ABI3BP: variants seen among roughly 807,000 people sequenced by gnomAD.
ABI3BP encodes target of Nesh-SH3.
ABI3BP carries 216 observed loss-of-function variants against 268.6 expected under a neutral mutation model. That is an observed-to-expected ratio of 0.80 (90% CI 0.72 to 0.90). ABI3BP has a LOEUF of 0.90. Ranked by LOEUF, ABI3BP falls within the 40% of genes least tolerant of loss-of-function variation. ABI3BP has a pLI of 0.00. For synonymous variants in ABI3BP, 730 were observed against 730.0 expected, an observed-to-expected ratio of 1.00 and a Z score of 0.00; for missense variants, 2,090 against 2,182.4, an observed-to-expected ratio of 0.96 and a Z score of 0.84.
intron 38 of ABI3BP, 118 bp downstream of exon 38, chr3:100,822,471 T>A: frequency 1.3e-6 from 1 of 799,872 alleles, no homozygotes; most frequent in African/African-American, 1.7e-5. Flanking sequence ...CTGCTAACCA[T>A]GAGTTGTAGC....
At chr3:100,792,851 C>T in intron 54 of ABI3BP, 83 bp from the exon 55 acceptor site, 1 of 1,137,772 alleles carries the variant, frequency 8.8e-7, no homozygotes, top group Non-Finnish European at 1.3e-6. Flanking sequence ...CTTTTCTGTC[C>T]CATGCAATAA....
At chr3:100,930,984 T>C (rs1245251484) in intron 1 of ABI3BP, 2 of 152,122 alleles carry the variant, frequency 1.3e-5, no homozygotes, top group African/African-American at 4.8e-5. Flanking sequence ...ATGAAAAAGC[T>C]AATTTGCCAT....
intron 56 of ABI3BP, among the ~76,000 whole-genome samples, 158 bp downstream of exon 56, chr3:100,789,296 G>T (rs2097134195): frequency 6.6e-6 from 1 of 151,974 alleles, no homozygotes; most frequent in South Asian, 2.1e-4. Context: ...CACATTTATG[G>T]ATTCATCAAT....
chr3:100,912,834 G>C (rs907585299), intron 2 of ABI3BP, among the ~76,000 whole-genome samples: 5 of 152,110 alleles, frequency 3.3e-5, no homozygotes, highest in Non-Finnish European at 7.4e-5. Flanking sequence ...CTCAAAAAAC[G>C]GACCTCCTAA....
intron 4 of ABI3BP, among the ~76,000 whole-genome samples, chr3:100,896,617 C>A (rs1436556106): frequency 1.3e-5 from 2 of 152,074 alleles, no homozygotes; most frequent in Non-Finnish European, 2.9e-5. Context: ...TTCTTCCTTC[C>A]TCTCTTCTCC....
chr3:100,900,296 C>G (rs2049654299), intron 3 of ABI3BP, among the ~76,000 whole-genome samples: 2 of 152,216 alleles, frequency 1.3e-5, no homozygotes, highest in African/African-American at 4.8e-5. Context: ...ATAGTTTGAA[C>G]AAGCCCTGGG....
At chr3:100,941,815 C>A (rs924432982) in intron 1 of ABI3BP, among the ~76,000 whole-genome samples, 1 of 152,254 alleles carries the variant, frequency 6.6e-6, no homozygotes, top group Non-Finnish European at 1.5e-5. Context: ...AATCAACAGT[C>A]TCTCATTTTC....
chr3:100,872,812 GCA>G (rs1386548068), intron 9 of ABI3BP, among the ~76,000 whole-genome samples: 1 of 152,150 alleles, frequency 6.6e-6, no homozygotes, highest in East Asian at 1.9e-4. Flanking sequence ...CAAGTCTGAT[GCA>G]CAAATTAAGA....
At chr3:100,783,937 G>C (rs750193228) in intron 57 of ABI3BP, among the ~76,000 whole-genome samples, 1 of 152,148 alleles carries the variant, frequency 6.6e-6, no homozygotes, top group Non-Finnish European at 1.5e-5. Context: ...TAATAGGTAG[G>C]ACACATCAGC....
At chr3:100,879,471 A>G (rs2099203430) in intron 6 of ABI3BP, among the ~76,000 whole-genome samples, 1 of 152,210 alleles carries the variant, frequency 6.6e-6, no homozygotes, top group African/African-American at 2.4e-5. Flanking sequence ...AACACATTAG[A>G]GCAGAAAAGC....
intron 67 of ABI3BP, 95 bp downstream of exon 67, chr3:100,751,457 A>C: frequency 7.5e-7 from 1 of 1,329,836 alleles, no homozygotes. Context: ...GTAGTACTAT[A>C]GAATTCTTTT....
chr3:100,801,484 T>A (rs1367677535), intron 51 of ABI3BP, among the ~76,000 whole-genome samples: 1 of 151,300 alleles, frequency 6.6e-6, no homozygotes, highest in African/African-American at 2.4e-5. Context: ...ATTAATTTAT[T>A]AATCACATCA....
intron 1 of ABI3BP, among the ~76,000 whole-genome samples, chr3:100,985,296 C>T (rs1403031186): frequency 2.6e-5 from 4 of 151,648 alleles, no homozygotes; most frequent in African/African-American, 7.3e-5. Context: ...ACTATGGGCA[C>T]GTGCCACCAT....
At chr3:100,870,408 A>C (rs938247851) in intron 9 of ABI3BP, among the ~76,000 whole-genome samples, 89 of 152,180 alleles carry the variant, frequency 5.8e-4, no homozygotes, top group African/African-American at 2.1e-3. Context: ...TCTCCAAAGA[A>C]GACATAAAAA....
intron 1 of ABI3BP, among the ~76,000 whole-genome samples, chr3:100,931,620 A>C (rs935833827): frequency 9.9e-5 from 15 of 152,050 alleles, no homozygotes; most frequent in African/African-American, 1.9e-4. Flanking sequence ...CACACACAAA[A>C]AAAAACTACT....
At chr3:100,871,498 T>C (rs1162885980) in intron 9 of ABI3BP, among the ~76,000 whole-genome samples, 2 of 152,122 alleles carry the variant, frequency 1.3e-5, no homozygotes, top group African/African-American at 2.4e-5. Flanking sequence ...GGGAGGGGCC[T>C]GGTGGGAGGT....
At chr3:100,753,223 C>CT (rs1363650903) in intron 65 of ABI3BP, among the ~76,000 whole-genome samples, 2 of 151,728 alleles carry the variant, frequency 1.3e-5, no homozygotes, top group Non-Finnish European at 2.9e-5. Flanking sequence ...ATTTAGGTTT[C>CT]TTTTTTGTAG....
At chr3:100,876,465 G>A (rs1304783170) in intron 7 of ABI3BP, 47 bp downstream of exon 7, 1 of 1,502,096 alleles carries the variant, frequency 6.7e-7, no homozygotes, top group Non-Finnish European at 9.1e-7. Flanking sequence ...TTAGCTAAAA[G>A]TATGTTAAAG....
At chr3:100,964,930 A>C (rs1294906028) in intron 1 of ABI3BP, among the ~76,000 whole-genome samples, 1 of 152,230 alleles carries the variant, frequency 6.6e-6, no homozygotes, top group Non-Finnish European at 1.5e-5. Flanking sequence ...AAAATATCTG[A>C]AGAGCTAGTT....
Sources: gnomAD v4.1 joint callset for allele counts (sites outside exome capture counted in the v4.1 genomes callset) on GRCh38, gnomAD v4.1.1 for gene constraint, MANE v1.5 for transcripts, NCBI Gene and HGNC (gene_info 2026-07-23, HGNC 2026-07-21) for gene names.